ARFGEF1: variants seen among roughly 807,000 people sequenced by gnomAD.
The protein encoded by ARFGEF1 is ARF guanine nucleotide exchange factor 1, also known as brefeldin A-inhibited guanine nucleotide-exchange protein 1.
ARFGEF1 carries 42 observed loss-of-function variants against 231.0 expected under a neutral mutation model. The ratio of observed to expected loss-of-function variants is 0.18; its 90% CI spans 0.14 to 0.24. ARFGEF1 has a LOEUF of 0.24. ARFGEF1 is among the 10% of genes least tolerant of loss of function. ARFGEF1 has a pLI of 1.00. For missense variants in ARFGEF1, 1,345 were observed against 2,192.0 expected, an observed-to-expected ratio of 0.61 and a Z score of 7.72; for synonymous variants, 710 against 732.3, an observed-to-expected ratio of 0.97 and a Z score of 0.49.
chr8:67,267,579 C>T (rs1804899475), intron 10 of ARFGEF1, 137 bp from the exon 11 acceptor site: 1 of 587,048 alleles, frequency 1.7e-6, no homozygotes, highest in Admixed American at 3.3e-5. Flanking sequence ...TGAGTTCCAT[C>T]TCTGAATCCT....
chr8:67,291,431 T>TA (rs397765499), intron 6 of ARFGEF1, among the ~76,000 whole-genome samples: 4 of 151,670 alleles, frequency 2.6e-5, no homozygotes, highest in South Asian at 2.1e-4. Context: ...TTTTTTTTTT[T>TA]ACCATAATCA....
At chr8:67,182,322 T>A (rs1833261931) in intron 5 of ARFGEF1, among the ~76,000 whole-genome samples, 1 of 152,170 alleles carries the variant, frequency 6.6e-6, no homozygotes, top group South Asian at 2.1e-4. Flanking sequence ...TTCCCCTTTT[T>A]TTTTTTATGC....
At chr8:67,227,734 T>C in intron 25 of ARFGEF1, 136 bp from the exon 26 acceptor site, 1 of 988,152 alleles carries the variant, frequency 1.0e-6, no homozygotes, top group Non-Finnish European at 1.4e-6. Context: ...AGGCATTAAG[T>C]ATGCTAAAAC....
intron 7 of ARFGEF1, among the ~76,000 whole-genome samples, chr8:67,281,752 A>T (rs1184254390): frequency 6.6e-6 from 1 of 152,130 alleles, no homozygotes; most frequent in Non-Finnish European, 1.5e-5. Flanking sequence ...GGAGATAAAT[A>T]TGGAAAAACA....
At chr8:67,341,596 C>CA (rs954324234) in intron 1 of ARFGEF1, among the ~76,000 whole-genome samples, 3 of 152,024 alleles carry the variant, frequency 2.0e-5, no homozygotes, top group Non-Finnish European at 4.4e-5. Flanking sequence ...GCCCCTGTCT[C>CA]AAAAAACAAA....
At chr8:67,173,771 A>C (rs563365153), downstream of ARFGEF1, 2 of 152,320 alleles carry the variant, frequency 1.3e-5, no homozygotes, top group South Asian at 4.1e-4. Flanking sequence ...TCAAATATTG[A>C]TTACTTACTA....
chr8:67,204,699 T>G lies in ARFGEF1; in HGVS notation c.4940A>C (p.Glu1647Ala). 6.2e-7 allele frequency: 1 copy of G among 1,613,724 alleles called. No individual in the cohort carries two copies. The highest frequency in any genetic ancestry group is 8.5e-7 in the Non-Finnish European group (1 of 1,179,890). Residue 1647 changes from glutamate (E) to alanine (A), a missense_variant, in exon 35 of 39, where the codon GAA becomes GCA. Around this residue, in one of 14 missense-constraint regions of ARFGEF1, gnomAD observed 161 missense variants for 284.9 expected, o/e 0.57. Transcript: ENST00000262215. ...CCTTACCTGTGCTGCAGCTAAGTTT[T>G]CTGCATCTTCTTTCTTACTTGTGGC... ...FPATSKKEDA[E>A]NLAAAQRDAV...
At chr8:67,295,538 G>A (rs1806195121) in intron 5 of ARFGEF1, among the ~76,000 whole-genome samples, 1 of 152,052 alleles carries the variant, frequency 6.6e-6, no homozygotes, top group African/African-American at 2.4e-5. Flanking sequence ...GTAAACTGAG[G>A]AAAATTCAAC....
In ARFGEF1 at chr8:67,198,942, T is replaced by C; in HGVS notation, c.5542A>G (p.Lys1848Glu). 1 of 1,613,262 alleles carries C rather than the reference T, an allele frequency of 6.2e-7. No individual in the cohort carries two copies. Among genetic ancestry groups the C allele is most frequent in the Non-Finnish European group, 8.5e-7 (1 of 1,179,768 alleles). Residue 1848 changes from lysine to glutamate, a missense_variant, in exon 39 of 39, where the codon AAG becomes GAG. Lys to Glu is a moderately conservative substitution (Grantham distance 56). Transcript: ENST00000262215. Reference sequence around the variant, plus strand: ...AAAATATTAAGTTCCCATCATTGCTTGTTTATTCCAAGTTCCTGTTCAGGT... The same window carrying C: ...AAAATATTAAGTTCCCATCATTGCTCGTTTATTCCAAGTTCCTGTTCAGGT... ...QPPEQELGIN[K>E]Q
intron 28 of ARFGEF1, among the ~76,000 whole-genome samples, chr8:67,225,267 C>T (rs1839332423): frequency 6.6e-6 from 1 of 152,166 alleles, no homozygotes; most frequent in Non-Finnish European, 1.5e-5. Flanking sequence ...CAAAAGTTAG[C>T]TTCACTTTCA....
chr8:67,224,874 A>G (rs1200083735), intron 29 of ARFGEF1, 29 bp downstream of exon 29: 1 of 1,465,218 alleles, frequency 6.8e-7, no homozygotes, highest in South Asian at 1.5e-5. Context: ...AATAAATCCA[A>G]AATTTTAATT....
chr8:67,227,921 A>C, intron 25 of ARFGEF1, 42 bp downstream of exon 25: 2 of 1,454,328 alleles, frequency 1.4e-6, no homozygotes, highest in East Asian at 4.8e-5. Flanking sequence ...TAAACAAAAA[A>C]TATACTACAA....
intron 5 of ARFGEF1, among the ~76,000 whole-genome samples, chr8:67,191,618 T>C (rs967633799): frequency 1.3e-5 from 2 of 152,246 alleles, no homozygotes; most frequent in African/African-American, 4.8e-5. Flanking sequence ...CTCTTTAGTG[T>C]TGAATAATTT....
chr8:67,266,157 T>C lies in ARFGEF1; in HGVS notation c.1972A>G (p.Thr658Ala), dbSNP rs537079988. The C allele has an allele frequency of 6.2e-7, 1 of 1,613,812 alleles. No individual in the cohort carries two copies. Among genetic ancestry groups the C allele is most frequent in the Admixed American group, 1.7e-5 (1 of 59,990 alleles). ...TTTAAACTTCCGTATCTGTTTATTGTCTCAGGGTGTTTGATTTCACTCATC... is the reference window on the plus strand; with the variant it reads ...TTTAAACTTCCGTATCTGTTTATTGCCTCAGGGTGTTTGATTTCACTCATC... ...QEMSEIKHPE[T>A]INRYGSLNSL... The change falls in exon 14 of 39, where the codon ACA becomes GCA. Residue 658 changes from threonine (T) to alanine (A), a missense_variant. Transcript: ENST00000262215.
At chr8:67,262,700 G>C (rs184506624) in intron 14 of ARFGEF1, among the ~76,000 whole-genome samples, 2 of 152,292 alleles carry the variant, frequency 1.3e-5, no homozygotes, top group East Asian at 3.9e-4. Flanking sequence ...ACCCTGATCA[G>C]TCAGCAGCCA....
rs181218449 is a variant in ARFGEF1, at chr8:67,198,373, A to G, written c.*561T>C. 1 of 985,112 alleles carries G rather than the reference A, an allele frequency of 1.0e-6. No individual in the cohort carries two copies. Among genetic ancestry groups the G allele is most frequent in the African/African-American group, 1.7e-5 (1 of 57,348 alleles). The allele number at this position is 985,112 out of a possible 1,614,324, so 61.0% of individuals were successfully genotyped here. On this transcript the variant is annotated 3_prime_UTR_variant, in exon 39 of 39. Transcript: ENST00000262215. ...GCAGGAAGAACTATATAATGTTTTA[A>G]GATTTTTATATTACAGACCTGCATC...
chr8:67,257,382 G>A (rs1426305153), intron 17 of ARFGEF1, among the ~76,000 whole-genome samples: 1 of 152,100 alleles, frequency 6.6e-6, no homozygotes. Flanking sequence ...CGCCTGGCCT[G>A]AAACATTATA....
Position 67,240,924 on chromosome 8 carries a change from C to G in ARFGEF1, c.2851-634G>C, listed in dbSNP as rs1221452827. 2.6e-5 allele frequency among the ~76,000 whole-genome samples: 4 copies of G among 152,030 alleles called. 1 individual carries two copies. The South Asian group carries it at 8.3e-4, about 32-fold the overall frequency. ...TCCTGAATGAAGTTACAATATAAAGCAAAAAAGACGCTACTTTTTGGCCAC... is the reference window on the plus strand; with the variant it reads ...TCCTGAATGAAGTTACAATATAAAGGAAAAAAGACGCTACTTTTTGGCCAC... On this transcript the variant is annotated intron_variant, in intron 19 of 38. Transcript: ENST00000262215.
At chr8:67,324,047 C>T (rs1201999519) in intron 1 of ARFGEF1, among the ~76,000 whole-genome samples, 4 of 152,198 alleles carry the variant, frequency 2.6e-5, no homozygotes, top group South Asian at 2.1e-4. Flanking sequence ...GTGAACCGCC[C>T]GCCTCGGCCT....
Sources: allele counts gnomAD v4.1 joint callset (sites outside exome capture counted in the v4.1 genomes callset), GRCh38; gene constraint gnomAD v4.1.1; regional missense constraint gnomAD v4.1.1; transcripts MANE v1.5; gene names NCBI Gene and HGNC (gene_info 2026-07-23, HGNC 2026-07-21).